Variants in CISD2 observed in about 807,000 individuals in gnomAD.
The protein encoded by CISD2 is CDGSH iron sulfur domain 2, also known as CDGSH iron-sulfur domain-containing protein 2.
In CISD2, 1 loss-of-function variant was observed where a neutral mutation model predicts 12.9. That is an observed-to-expected ratio of 0.08 (90% confidence interval 0.03 to 0.37). CISD2 has a LOEUF of 0.37. Among genes scored for constraint, CISD2 ranks in the 10% least tolerant of loss-of-function variants. The pLI is 0.99. For synonymous variants in CISD2, 50 were observed against 60.6 expected (o/e 0.83, Z 0.81); for missense variants, 97 against 163.1 (o/e 0.59, Z 2.21).
At chr4:102,881,272 A>C (rs1236582825) in intron 1 of CISD2, among the ~76,000 whole-genome samples, 1 of 152,222 alleles carries the variant, frequency 6.6e-6, no homozygotes, top group Non-Finnish European at 1.5e-5. Context: ...TAGTTACCAG[A>C]GGCCAGGAAG....
At chr4:102,882,652 G>T (rs1389093267) in intron 1 of CISD2, 3 of 152,278 alleles carry the variant, frequency 2.0e-5, no homozygotes. Flanking sequence ...TAGCTATTGA[G>T]CCTCTGAAAG....
chr4:102,871,318 CTT>C lies in CISD2; in HGVS notation c.103+2134_103+2135del, dbSNP rs1274000036. Among the ~76,000 whole-genome samples, 7 of 152,218 alleles carry C rather than the reference CTT, an allele frequency of 4.6e-5. No homozygotes were observed. The East Asian group carries it at 1.3e-3, about 29-fold the overall frequency. On this transcript the variant is annotated intron_variant, in intron 1 of 2. Transcript: ENST00000273986. Reference sequence around the variant, plus strand: ...GACATTAAGAAAACTCAACCAAAACCTTTTCTCTCTTAAGAATATATAGTAAC... The same window carrying C: ...GACATTAAGAAAACTCAACCAAAACCTTCTCTCTTAAGAATATATAGTAAC...
rs1376184703 is a variant in CISD2, at chr4:102,888,058, G to A, written c.*628G>A. The A allele has an allele frequency of 4.3e-5, 6 of 139,848 alleles. No individual in the cohort carries two copies. The East Asian group carries it at 1.2e-3, about 28-fold the overall frequency. The allele number at this position is 139,848 out of a possible 1,614,324, so 8.7% of individuals were successfully genotyped here. A position where few individuals can be genotyped will look rare whatever the true frequency, so the allele number is the denominator to read the frequency against. ...TACTTTACAAAAGGCTTGTGTCTGT[G>A]TGTGTGTGTGTGTGTGTGTGTGTGT... is the stretch of plus-strand genomic sequence containing the variant. On this transcript the variant is annotated 3_prime_UTR_variant, in exon 3 of 3. Transcript: ENST00000273986.
chr4:102,877,209 C>T (rs1255339490), intron 1 of CISD2, among the ~76,000 whole-genome samples: 1 of 152,338 alleles, frequency 6.6e-6, no homozygotes, highest in Non-Finnish European at 1.5e-5. Context: ...TACAGAGTCT[C>T]ATCTGAAACA....
chr4:102,872,153 C>G (rs1433276659), intron 1 of CISD2, among the ~76,000 whole-genome samples: 1 of 152,184 alleles, frequency 6.6e-6, no homozygotes, highest in East Asian at 1.9e-4. Flanking sequence ...ACTGCAACCT[C>G]TGCCTCCTGG....
chr4:102,887,519 T>G lies in CISD2; in HGVS notation c.*89T>G. On this transcript the variant is annotated 3_prime_UTR_variant, in exon 3 of 3. Coordinates refer to ENST00000273986, the MANE Select transcript of CISD2 (RefSeq NM_001008388.5). ...TTACTACTGGTTGAACAATTATTTC[T>G]TCCAATTTATTTTCTTCCTGCACTA... The G allele has an allele frequency of 2.8e-6, 2 of 722,230 alleles. No individual in the cohort carries two copies. Among genetic ancestry groups the G allele is most frequent in the Non-Finnish European group, 4.9e-6 (2 of 410,758 alleles). 44.7% of individuals were successfully genotyped at this position (722,230 alleles called of 1,614,324 possible).
In CISD2 at chr4:102,885,294, C is replaced by T. The variant is rs142253163; in HGVS notation, c.182C>T (p.Pro61Leu). 2.3e-5 allele frequency: 37 copies of T among 1,613,798 alleles called. No homozygotes were observed. Among genetic ancestry groups the T allele is most frequent in the Non-Finnish European group, 2.9e-5 (34 of 1,179,958 alleles). The part of the protein sequence containing the change: ...LGYLAVRPFL[P>L]KKKQQKDSLI... Reference sequence around the variant, plus strand: ...TACCTTGCAGTTCGTCCATTCCTCCCGAAGAAGAAACAACAGAAGGATAGC... The same window carrying T: ...TACCTTGCAGTTCGTCCATTCCTCCTGAAGAAGAAACAACAGAAGGATAGC... Residue 61 changes from proline (P) to leucine (L), a missense_variant, in exon 2 of 3, where the codon CCG becomes CTG. Physicochemically the swap from Pro to Leu is moderately conservative, Grantham distance 98. This residue lies in a region of CISD2 where 89 missense variants were observed against 114.4 expected (regional missense o/e 0.78). Transcript: ENST00000273986.
Position 102,889,004 on chromosome 4 carries a change from CTAATT to C in CISD2, c.*1575_*1579del, listed in dbSNP as rs1734087784. The stretch of plus-strand genomic sequence containing the variant: ...AGAGGTAATCCTTCTAGAAATAAAA[CTAATT>C]GTTATTGGGCACTTGTATGTACCAG... On this transcript the variant is annotated 3_prime_UTR_variant, in exon 3 of 3. Coordinates refer to ENST00000273986, the MANE Select transcript of CISD2 (RefSeq NM_001008388.5). 1 of 152,170 alleles carries C rather than the reference CTAATT, an allele frequency of 6.6e-6. No homozygotes were observed. The highest frequency in any genetic ancestry group is 1.5e-5 in the Non-Finnish European group (1 of 68,038). 9.4% of individuals were successfully genotyped at this position (152,170 alleles called of 1,614,324 possible).
intron 1 of CISD2, among the ~76,000 whole-genome samples, chr4:102,871,927 C>T (rs1322843239): frequency 1.4e-5 from 2 of 147,138 alleles, no homozygotes; most frequent in African/African-American, 5.2e-5. Flanking sequence ...TTAGAAACCA[C>T]ATGGAGATCT....
chr4:102,878,101 T>A (rs1361816715), intron 1 of CISD2, among the ~76,000 whole-genome samples: 3 of 151,090 alleles, frequency 2.0e-5, no homozygotes, highest in African/African-American at 7.3e-5. Context: ...CAGCTTGAAT[T>A]TCTCCCCAGA....
chr4:102,874,705 AAAAG>A (rs945246199), intron 1 of CISD2: 4 of 152,216 alleles, frequency 2.6e-5, no homozygotes, highest in African/African-American at 4.8e-5. Context: ...TTTAAGCTAA[AAAAG>A]AAAACGAAAA....
rs1734086684 is a variant in CISD2, at chr4:102,888,986, A to ATCCT, written c.*1559_*1562dup. On this transcript the variant is annotated 3_prime_UTR_variant, in exon 3 of 3. Transcript: ENST00000273986. ...AATGTACAAGAGGCAGACAGAGGTA[A>ATCCT]TCCTTCTAGAAATAAAACTAATTGT... The ATCCT allele has an allele frequency of 6.6e-6, 1 of 152,216 alleles. No individual in the cohort carries two copies. The highest frequency in any genetic ancestry group is 2.1e-4 in the South Asian group (1 of 4,834). 9.4% of individuals were successfully genotyped at this position (152,216 alleles called of 1,614,324 possible). A position where few individuals can be genotyped will look rare whatever the true frequency, so the allele number is the denominator to read the frequency against.
intron 1 of CISD2, among the ~76,000 whole-genome samples, chr4:102,873,858 G>A (rs1360115624): frequency 2.0e-5 from 3 of 151,950 alleles, no homozygotes; most frequent in Non-Finnish European, 4.4e-5. Flanking sequence ...GTACGGTGTG[G>A]CTCATGCCTT....
intron 1 of CISD2, among the ~76,000 whole-genome samples, chr4:102,878,897 CATAAA>C (rs956031916): frequency 3.3e-5 from 5 of 152,096 alleles, no homozygotes; most frequent in African/African-American, 7.2e-5. Context: ...GAAATAAAAA[CATAAA>C]ATAAAAATAC....
At chr4:102,886,725 C>T (rs1733941468) in intron 2 of CISD2, among the ~76,000 whole-genome samples, 1 of 151,054 alleles carries the variant, frequency 6.6e-6, no homozygotes, top group African/African-American at 2.4e-5. Context: ...AAGGAATTCT[C>T]CCACCTCAGC....
chr4:102,870,790 AT>A (rs1733422665), intron 1 of CISD2, among the ~76,000 whole-genome samples: 2 of 152,038 alleles, frequency 1.3e-5, no homozygotes, highest in African/African-American at 4.8e-5. Flanking sequence ...TATAATCCTC[AT>A]TTTTTCCCTA....
intron 1 of CISD2, among the ~76,000 whole-genome samples, chr4:102,872,063 A>G (rs774360929): frequency 2.3e-4 from 35 of 152,170 alleles, no homozygotes; most frequent in Non-Finnish European, 4.3e-4. Context: ...TATCTAATTT[A>G]TGTTTAACTT....
At chr4:102,869,236 G>A in intron 1 of CISD2, 49 bp downstream of exon 1, 1 of 1,559,900 alleles carries the variant, frequency 6.4e-7, no homozygotes, top group Non-Finnish European at 8.7e-7. Context: ...TTCGCCAAGC[G>A]GGGGAAGGAG....
Position 102,892,116 on chromosome 4 carries a change from G to T in CISD2, c.*4686G>T, listed in dbSNP as rs1734275629. ...CCCTGTCACCCAGGCTGGAGTGCGG[G>T]GGCATGATCGTAGCTCACTGCAGCC... On this transcript the variant is annotated 3_prime_UTR_variant, in exon 3 of 3. Transcript: ENST00000273986. 6.6e-6 allele frequency: 1 copy of T among 152,120 alleles called. No homozygotes were observed. Among genetic ancestry groups the T allele is most frequent in the African/African-American group, 2.4e-5 (1 of 41,424 alleles). 9.4% of individuals were successfully genotyped at this position (152,120 alleles called of 1,614,324 possible).
Sources: gnomAD v4.1 joint callset for allele counts (sites outside exome capture counted in the v4.1 genomes callset) on GRCh38, gnomAD v4.1.1 for gene constraint, gnomAD v4.1.1 regional missense constraint, MANE v1.5 for transcripts, NCBI Gene and HGNC (gene_info 2026-07-23, HGNC 2026-07-21) for gene names.